Variants in SCD5 observed in about 807,000 individuals in gnomAD.
SCD5 encodes acyl-CoA-desaturase 4.
SCD5 carries 20 observed loss-of-function variants against 30.4 expected under a neutral mutation model. The ratio of observed to expected loss-of-function variants is 0.66; its 90% CI spans 0.46 to 0.96. The LOEUF is 0.96. Ranked by LOEUF, SCD5 falls within the 40% of genes least tolerant of loss-of-function variation. The probability of loss-of-function intolerance (pLI) is 0.00; values close to 1 mark genes in which losing one functional copy is unlikely to be tolerated. For missense variants in SCD5, 381 were observed against 443.3 expected (o/e 0.86, Z 1.26); for synonymous variants, 173 against 176.4 (o/e 0.98, Z 0.16).
intron 1 of SCD5, among the ~76,000 whole-genome samples, chr4:82,731,700 T>TTA (rs1720646421): frequency 6.6e-6 from 1 of 152,094 alleles, no homozygotes; most frequent in South Asian, 2.1e-4. Context: ...GATTCTAGAG[T>TTA]TTAGGGCCCT....
chr4:82,693,769 G>A (rs562310925), intron 2 of SCD5, among the ~76,000 whole-genome samples: 17 of 152,330 alleles, frequency 1.1e-4, no homozygotes, highest in African/African-American at 4.1e-4. Context: ...GACGGACACA[G>A]AGGTCCTCCT....
At chr4:82,666,240 A>T (rs1728184051) in intron 3 of SCD5, among the ~76,000 whole-genome samples, 1 of 152,232 alleles carries the variant, frequency 6.6e-6, no homozygotes, top group Admixed American at 6.5e-5. Context: ...ATAATAATAG[A>T]TTGAATTCTT....
At chr4:82,670,241 CG>C (rs1560529503) in intron 3 of SCD5, among the ~76,000 whole-genome samples, 2 of 152,042 alleles carry the variant, frequency 1.3e-5, no homozygotes, top group African/African-American at 4.8e-5. Flanking sequence ...CTATGATTAA[CG>C]GGCTAAGGGC....
At chr4:82,638,875 T>A (rs1427162776) in intron 3 of SCD5, among the ~76,000 whole-genome samples, 1 of 152,240 alleles carries the variant, frequency 6.6e-6, no homozygotes, top group African/African-American at 2.4e-5. Flanking sequence ...TTATATGTAT[T>A]GACTCATTTA....
intron 1 of SCD5, among the ~76,000 whole-genome samples, chr4:82,794,719 G>A (rs370593257): frequency 6.7e-6 from 1 of 150,278 alleles, no homozygotes; most frequent in Non-Finnish European, 1.5e-5. Context: ...GCGCAATCTC[G>A]GCTCCCTGCA....
In SCD5 at chr4:82,638,206, T is replaced by C. The variant is rs183773670; in HGVS notation, c.570-1383A>G. ...CCTTTTATGGCTGCATAGTATTCCATGGTGTTTAGGACATGCCTCTTTTTA... is the reference window on the plus strand; with the variant it reads ...CCTTTTATGGCTGCATAGTATTCCACGGTGTTTAGGACATGCCTCTTTTTA... On this transcript the variant is annotated intron_variant, in intron 3 of 4. Coordinates refer to ENST00000319540, the MANE Select transcript of SCD5 (RefSeq NM_001037582.3). Among the ~76,000 whole-genome samples, 390 of 152,168 alleles carry C rather than the reference T, an allele frequency of 2.6e-3. 2 individuals carry two copies. The highest frequency in any genetic ancestry group is 4.2e-3 in the Non-Finnish European group (284 of 68,000).
intron 1 of SCD5, among the ~76,000 whole-genome samples, chr4:82,730,113 T>A (rs1720595315): frequency 6.6e-6 from 1 of 151,742 alleles, no homozygotes; most frequent in African/African-American, 2.4e-5. Context: ...TATGTTTCTC[T>A]TGCTAATCTG....
rs192714381 is a variant in SCD5, at chr4:82,747,217, T to G, written c.233-41804A>C. Among the ~76,000 whole-genome samples the G allele has an allele frequency of 3.4e-4, 52 of 152,342 alleles. 1 individual carries two copies. Among genetic ancestry groups the G allele is most frequent in the African/African-American group, 1.2e-3 (50 of 41,572 alleles). ...ACTATAAATATGTATATTGAGCACC[T>G]ACTATGTACCAGGCACTGTGCTAAG... On this transcript the variant is annotated intron_variant, in intron 1 of 4. Transcript: ENST00000319540.
chr4:82,693,967 G>A (rs565566077), intron 2 of SCD5, among the ~76,000 whole-genome samples: 1 of 152,370 alleles, frequency 6.6e-6, no homozygotes, highest in South Asian at 2.1e-4. Context: ...AGGGAATGCG[G>A]AGGGCAGGGT....
chr4:82,759,032 C>G (rs1381776736), intron 1 of SCD5, among the ~76,000 whole-genome samples: 1 of 152,264 alleles, frequency 6.6e-6, no homozygotes, highest in African/African-American at 2.4e-5. Context: ...GGTCCCTGGT[C>G]ACCCCTCTTC....
intron 3 of SCD5, among the ~76,000 whole-genome samples, chr4:82,654,444 T>G (rs906206076): frequency 6.6e-6 from 1 of 152,254 alleles, no homozygotes; most frequent in Admixed American, 6.5e-5. Context: ...AATTTGACTC[T>G]TAGACTACCC....
At chr4:82,760,217 G>T (rs868440590) in intron 1 of SCD5, among the ~76,000 whole-genome samples, 47 of 152,088 alleles carry the variant, frequency 3.1e-4, no homozygotes, top group African/African-American at 1.0e-3. Flanking sequence ...AACTCCCTGT[G>T]TTAACCTTCA....
chr4:82,704,200 G>C (rs1719921219), intron 2 of SCD5, among the ~76,000 whole-genome samples: 1 of 152,140 alleles, frequency 6.6e-6, no homozygotes, highest in Non-Finnish European at 1.5e-5. Flanking sequence ...GAAATATTCC[G>C]CATCAGGTTG....
Position 82,697,194 on chromosome 4 carries a change from G to A in SCD5, c.363+8089C>T, listed in dbSNP as rs561213434. Among the ~76,000 whole-genome samples the A allele has an allele frequency of 1.1e-4, 16 of 152,290 alleles. No individual in the cohort carries two copies. The South Asian group carries it at 2.7e-3, about 26-fold the overall frequency. Reference sequence around the variant, plus strand: ...ATTCCCAATTGACAGGACTGCATGCGGAATTCACCTTCAAAACAGTGTCTT... The same window carrying A: ...ATTCCCAATTGACAGGACTGCATGCAGAATTCACCTTCAAAACAGTGTCTT... On this transcript the variant is annotated intron_variant, in intron 2 of 4. Coordinates refer to ENST00000319540, the MANE Select transcript of SCD5 (RefSeq NM_001037582.3).
intron 3 of SCD5, among the ~76,000 whole-genome samples, chr4:82,643,685 CTCTTA>C (rs1210757783): frequency 2.0e-4 from 30 of 152,318 alleles, no homozygotes; most frequent in African/African-American, 7.2e-4. Context: ...CAGAATTGCA[CTCTTA>C]TGAGAGGTTA....
chr4:82,737,909 G>A (rs993175415), intron 1 of SCD5, among the ~76,000 whole-genome samples: 1 of 150,586 alleles, frequency 6.6e-6, no homozygotes, highest in Non-Finnish European at 1.5e-5. Context: ...CAAAACTTAA[G>A]TATTTGAAAC....
At chr4:82,752,246 T>C (rs1721118815) in intron 1 of SCD5, among the ~76,000 whole-genome samples, 1 of 149,450 alleles carries the variant, frequency 6.7e-6, no homozygotes, top group South Asian at 2.1e-4. Flanking sequence ...GCAATATCTC[T>C]CAAGGTTGAC....
chr4:82,755,770 T>C (rs997341739), intron 1 of SCD5, among the ~76,000 whole-genome samples: 1 of 152,188 alleles, frequency 6.6e-6, no homozygotes, highest in African/African-American at 2.4e-5. Flanking sequence ...AAAGCATATT[T>C]GTCTGGCCAG....
chr4:82,702,007 T>G (rs1041617916), intron 2 of SCD5, among the ~76,000 whole-genome samples: 1 of 152,056 alleles, frequency 6.6e-6, no homozygotes, highest in Admixed American at 6.6e-5. Flanking sequence ...TTCACCCTAC[T>G]GGCAAGGAAG....
Sources: allele counts gnomAD v4.1 joint callset (sites outside exome capture counted in the v4.1 genomes callset), GRCh38; gene constraint gnomAD v4.1.1; transcripts MANE v1.5; gene names NCBI Gene and HGNC (gene_info 2026-07-23, HGNC 2026-07-21).